TTN: variants seen among roughly 807,000 people sequenced by gnomAD.
TTN encodes titin.
TTN carries 1,525 observed loss-of-function variants against 3,223.0 expected under a neutral mutation model. That is an observed-to-expected ratio of 0.47 (90% CI 0.45 to 0.49). TTN has a LOEUF of 0.49. Ranked by LOEUF, TTN falls within the 20% of genes least tolerant of loss-of-function variation. The pLI is 0.00. For synonymous variants in TTN, 14,094 were observed against 15,161.0 expected (o/e 0.93, Z 5.17); for missense variants, 40,786 against 43,424.0 (o/e 0.94, Z 5.40).
intron 97 of TTN, 51 bp downstream of exon 97, chr2:178,711,011 T>C (rs910219369): frequency 4.5e-6 from 7 of 1,548,728 alleles, no homozygotes; most frequent in Non-Finnish European, 6.1e-6. Flanking sequence ...TAAGTTCATA[T>C]TTGATTATAA....
At chr2:178,685,421 T>A in intron 128 of TTN, 91 bp from the exon 129 acceptor site, 1 of 1,475,516 alleles carries the variant, frequency 6.8e-7, no homozygotes, top group Non-Finnish European at 9.2e-7. Flanking sequence ...ATGATATTTA[T>A]CAATATTTGC....
intron 2 of TTN, 122 bp from the exon 3 acceptor site, chr2:178,802,463 T>A: frequency 9.1e-7 from 1 of 1,094,518 alleles, no homozygotes; most frequent in Non-Finnish European, 1.3e-6. Context: ...GAATGCCACT[T>A]AATGATAGGG....
intron 47 of TTN, chr2:178,746,314 C>T: frequency 6.2e-7 from 1 of 1,612,572 alleles, no homozygotes; most frequent in East Asian, 2.2e-5. Flanking sequence ...CTTCTCCCTC[C>T]CTTGAATCCA....
chr2:178,550,253 C>T lies in TTN; in HGVS notation c.91585G>A (p.Gly30529Ser), dbSNP rs749321560. The change falls in exon 337 of 363, where the codon GGC becomes AGC. Residue 30529 changes from glycine (G) to serine (S), a missense_variant. Gly to Ser is a moderately conservative substitution (Grantham distance 56). Transcript: ENST00000589042. The stretch of plus-strand genomic sequence containing the variant: ...ATGAGACCATCAAAGTATTCAGGGC[C>T]AAACTCTACTATTGGTGGAACTATA... ...DENVPPIVEF[G>S]PEYFDGLIIK... 8.7e-6 allele frequency: 14 copies of T among 1,611,678 alleles called. No homozygotes were observed. The highest frequency in any genetic ancestry group is 1.3e-5 in the African/African-American group (1 of 74,876).
Position 178,583,719 on chromosome 2 carries a change from A to G in TTN, c.65463T>C (p.Ala21821=). ...PHQIPQEEYT[A]TGLEEKAQYQ... is the part of the protein sequence containing the mutation. ...ACTGAGCTTTCTCTTCTAGGCCAGT[A>G]GCTGTGTACTCTTCCTGGGGAATCT... The change falls in exon 312 of 363, where the codon GCT becomes GCC. Residue 21821 remains alanine, a synonymous_variant. Coordinates refer to ENST00000589042, the MANE Select transcript of TTN (RefSeq NM_001267550.2). The G allele has an allele frequency of 3.7e-6, 6 of 1,612,444 alleles. No individual in the cohort carries two copies. Among genetic ancestry groups the G allele is most frequent in the Non-Finnish European group, 5.1e-6 (6 of 1,179,208 alleles).
At chr2:178,638,143 G>T (rs1235576423) in intron 223 of TTN, among the ~76,000 whole-genome samples, 1 of 151,796 alleles carries the variant, frequency 6.6e-6, no homozygotes, top group East Asian at 1.9e-4. Context: ...GTACTACGTT[G>T]ACATTATAAA....
Position 178,647,319 on chromosome 2 carries a change from A to G in TTN, c.40141+62T>C, listed in dbSNP as rs1206912745. The stretch of plus-strand genomic sequence containing the variant: ...AGACAAATACGTAAGATTCATCTAC[A>G]ATCAAAGCAAGAGGATGAAGACAAT... On this transcript the variant is annotated intron_variant, in intron 214 of 362. Transcript: ENST00000589042. The G allele has an allele frequency of 4.0e-6, 6 of 1,513,758 alleles. No homozygotes were observed. The Admixed American group carries it at 6.1e-5, about 15-fold the overall frequency. The allele number at this position is 1,513,758 out of a possible 1,614,324, so 93.8% of individuals were successfully genotyped here.
rs1206394112 is a variant in TTN, at chr2:178,570,689, C to T, written c.75443G>A (p.Gly25148Asp). 2.5e-6 allele frequency: 4 copies of T among 1,613,424 alleles called. No individual in the cohort carries two copies. In the Admixed American group the frequency reaches 5.0e-5, roughly 20 times the overall value. ...KPIPTIQWIKGDQELSNTARL... is the reference protein window; with the variant it reads ...KPIPTIQWIKDDQELSNTARL... Reference sequence around the variant, plus strand: ...AGCTGTGTTTGAAAGCTCCTGATCACCTTTTATCCACTGAATGGTTGGTAT... The same window carrying T: ...AGCTGTGTTTGAAAGCTCCTGATCATCTTTTATCCACTGAATGGTTGGTAT... Residue 25148 changes from glycine (G) to aspartate (D), a missense_variant, in exon 326 of 363, where the codon GGT (glycine) becomes GAT (aspartate). By Grantham distance (94) the Gly-to-Asp change is moderately conservative (BLOSUM62 -1). Coordinates refer to ENST00000589042, the MANE Select transcript of TTN (RefSeq NM_001267550.2).
rs1369343605 is a variant in TTN, at chr2:178,547,530, T to C, written c.94096A>G (p.Thr31366Ala). ...WQLVNSSVKR[T>A]QIKVTHLTKY... ...GTGAGATGAGTGACTTTAATTTGAG[T>C]GCGCTTGACACTGGAATTGACAAGC... Residue 31366 changes from threonine (T) to alanine (A), a missense_variant, in exon 339 of 363, where the codon ACT becomes GCT. Transcript: ENST00000589042. 1.9e-6 allele frequency: 3 copies of C among 1,613,724 alleles called. No individual in the cohort carries two copies. Among genetic ancestry groups the C allele is most frequent in the Non-Finnish European group, 2.5e-6 (3 of 1,179,766 alleles).
intron 43 of TTN, chr2:178,760,845 AGG>A (rs759497746): frequency 3.1e-5 from 3 of 96,906 alleles, no homozygotes; most frequent in Non-Finnish European, 4.1e-5. Context: ...GTTTGTGTGA[AGG>A]GGTGTGTGTG....
In TTN at chr2:178,535,507, C is replaced by T. The variant is rs576025689; in HGVS notation, c.101108G>A (p.Arg33703Gln). ...AGTCCATGTTAAGTTGACAGAATCT[C>T]GTGAGACATCACTAACTTTGACTCC... Reference protein sequence around the residue: ...PRGVKVSDVSRDSVNLTWTEP... With the variant: ...PRGVKVSDVSQDSVNLTWTEP... Residue 33703 changes from arginine to glutamine, a missense_variant, in exon 358 of 363, where the codon CGA (arginine) becomes CAA (glutamine). Transcript: ENST00000589042. The T allele has an allele frequency of 1.4e-5, 23 of 1,613,846 alleles. No individual in the cohort carries two copies. Among genetic ancestry groups the T allele is most frequent in the South Asian group, 6.6e-5 (6 of 91,078 alleles).
Position 178,682,758 on chromosome 2 carries a change from T to C in TTN, c.33033A>G (p.Gln11011=). ...EEYEPTEEYD[Q]YEEYEEREYE... ...ACTCCCGCTCCTCGTATTCTTCATATTGGTCATATTCTTCTGTTGGTTCAT... is the reference window on the plus strand; with the variant it reads ...ACTCCCGCTCCTCGTATTCTTCATACTGGTCATATTCTTCTGTTGGTTCAT... The change falls in exon 135 of 363, where the codon CAA becomes CAG. Residue 11011 remains glutamine, a synonymous_variant. Transcript: ENST00000589042. 4 of 1,613,106 alleles carry C rather than the reference T, an allele frequency of 2.5e-6. No homozygotes were observed. The highest frequency in any genetic ancestry group is 3.4e-6 in the Non-Finnish European group (4 of 1,179,276).
chr2:178,529,036 A>T lies in TTN; in HGVS notation c.106715T>A (p.Ile35572Asn). 6.2e-7 allele frequency: 1 copy of T among 1,614,002 alleles called. No homozygotes were observed. The highest frequency in any genetic ancestry group is 8.5e-7 in the Non-Finnish European group (1 of 1,179,890). ...ALKEEASKVL[I>N]SEEVKKSAAT... ...TGCTGATTTCTTGACTTCTTCAGAA[A>T]TCAGAACCTTTGAAGCTTCCTCTTT... The change falls in exon 360 of 363, where the codon ATT becomes AAT. Residue 35572 changes from isoleucine to asparagine, a missense_variant. Physicochemically the swap from Ile to Asn is moderately radical, Grantham distance 149. Transcript: ENST00000589042.
Position 178,775,046 on chromosome 2 carries a change from A to T in TTN, c.6665T>A (p.Met2222Lys). 1 of 1,614,054 alleles carries T rather than the reference A, an allele frequency of 6.2e-7. No homozygotes were observed. Among genetic ancestry groups the T allele is most frequent in the South Asian group, 1.1e-5 (1 of 91,080 alleles). The change falls in exon 29 of 363, where the codon ATG (methionine) becomes AAG (lysine). Residue 2222 changes from methionine (M) to lysine (K), a missense_variant. Met to Lys is a moderately conservative substitution (Grantham distance 95). Transcript: ENST00000589042. The part of the protein sequence containing the change: ...MEVHEGDKYR[M>K]HSDRKVHFLS... ...GAAGTGAACCTTTCTGTCAGAGTGC[A>T]TCCTGTATTTATCTCCCTCATGAAC...
rs757728544 is a variant in TTN, at chr2:178,610,149, T to C, written c.51377A>G (p.Lys17126Arg). The stretch of plus-strand genomic sequence containing the variant: ...TTCAATATATTCTCCTCCACCAACC[T>C]TGTTGACTGCTTTAACACGGAAGAA... Reference protein sequence around the residue: ...EYFFRVKAVNKVGGGEYIELK... With the variant: ...EYFFRVKAVNRVGGGEYIELK... The change falls in exon 271 of 363, where the codon AAG becomes AGG. Residue 17126 changes from lysine (K) to arginine (R), a missense_variant. Lys to Arg is a conservative substitution (Grantham distance 26). Transcript: ENST00000589042. 8.7e-6 allele frequency: 14 copies of C among 1,612,876 alleles called. No homozygotes were observed. The highest frequency in any genetic ancestry group is 1.1e-5 in the South Asian group (1 of 91,066).
chr2:178,584,202 C>G (rs1465277123), intron 311 of TTN, 74 bp downstream of exon 311: 1 of 1,482,968 alleles, frequency 6.7e-7, no homozygotes, highest in East Asian at 2.3e-5. Flanking sequence ...GAGTCCAAAT[C>G]TTAGACTCCG....
intron 9 of TTN, among the ~76,000 whole-genome samples, chr2:178,792,782 A>G (rs2093577559): frequency 6.6e-6 from 1 of 152,226 alleles, no homozygotes; most frequent in South Asian, 2.1e-4. Context: ...GAAACACAGG[A>G]TCTCAAGGCT....
Position 178,634,664 on chromosome 2 carries a change from A to C in TTN, c.42152-35T>G, listed in dbSNP as rs375346799. 1.9e-6 allele frequency: 3 copies of C among 1,612,000 alleles called. No homozygotes were observed. The African/African-American group carries it at 4.0e-5, about 22-fold the overall frequency. ...AGACATTAAGAATGAGGCTTTTCAG[A>C]ATGCACAGGGAAGTGAAATAAAGTT... On this transcript the variant is annotated intron_variant, in intron 229 of 362. Coordinates refer to ENST00000589042, the MANE Select transcript of TTN (RefSeq NM_001267550.2). This position sits in a 1 kb window ranked among gnomAD's most constrained non-coding sequence, Gnocchi z 4.6.
rs991939114 is a variant in TTN, at chr2:178,642,062, T to TA, written c.40558+174dup. On this transcript the variant is annotated intron_variant, in intron 219 of 362. Transcript: ENST00000589042. ...TCACAAAATTTCTGTCTTTTTTTTT[T>TA]AAAAAAAAAGATCTGGAAATGACAT... is the stretch of plus-strand genomic sequence containing the variant. Among the ~76,000 whole-genome samples the TA allele has an allele frequency of 6.6e-5, 10 of 150,430 alleles. No homozygotes were observed. In the East Asian group the frequency reaches 7.8e-4, roughly 12 times the overall value.
Sources: gnomAD v4.1 joint callset for allele counts (sites outside exome capture counted in the v4.1 genomes callset) on GRCh38, gnomAD v4.1.1 for gene constraint, Gnocchi (gnomAD v3.1) non-coding constraint, MANE v1.5 for transcripts, NCBI Gene and HGNC (gene_info 2026-07-23, HGNC 2026-07-21) for gene names.